The following DCC variants were observed in gnomAD, a reference collection of about 807,000 sequenced individuals.
DCC encodes DCC netrin 1 receptor.
In DCC, 58 loss-of-function variants were observed where a neutral mutation model predicts 172.5. The observed-to-expected ratio is 0.34, with a 90% CI of 0.27 to 0.42. The LOEUF (loss-of-function observed/expected upper bound fraction) is 0.42. Among genes scored for constraint, DCC ranks in the 10% least tolerant of loss-of-function variants. DCC has a pLI of 1.00. For missense variants in DCC, 1,740 were observed against 1,791.0 expected (o/e 0.97, Z 0.51); for synonymous variants, 709 against 644.5 (o/e 1.10, Z -1.52).
chr18:53,129,910 T>C (rs2043625682), intron 7 of DCC, among the ~76,000 whole-genome samples: 1 of 152,148 alleles, frequency 6.6e-6, no homozygotes, highest in African/African-American at 2.4e-5. Context: ...TATAAACATC[T>C]AAACCCTAGA....
At chr18:52,387,336 A>G (rs1985839979) in intron 1 of DCC, among the ~76,000 whole-genome samples, 1 of 152,112 alleles carries the variant, frequency 6.6e-6, no homozygotes, top group African/African-American at 2.4e-5. Context: ...GGGAAGGGAG[A>G]AGAAAAAAAT....
intron 1 of DCC, among the ~76,000 whole-genome samples, chr18:52,504,892 T>A (rs1405685861): frequency 6.6e-6 from 1 of 152,170 alleles, no homozygotes; most frequent in African/African-American, 2.4e-5. Context: ...AGACCATCAA[T>A]GTCTGTCTTG....
chr18:52,917,154 GA>G (rs1407398106), intron 3 of DCC, among the ~76,000 whole-genome samples: 3 of 138,686 alleles, frequency 2.2e-5, no homozygotes, highest in Admixed American at 7.1e-5. Context: ...AAAAAAACAA[GA>G]AAAAAATAAA....
At chr18:52,532,944 A>T (rs976660579) in intron 1 of DCC, among the ~76,000 whole-genome samples, 3 of 152,130 alleles carry the variant, frequency 2.0e-5, no homozygotes, top group African/African-American at 7.2e-5. Context: ...AGTCAGACTC[A>T]TTCCCACCAC....
chr18:52,772,957 GTTGT>G (rs1052710993), intron 2 of DCC, among the ~76,000 whole-genome samples: 1 of 152,160 alleles, frequency 6.6e-6, no homozygotes, highest in African/African-American at 2.4e-5. Context: ...AAATTGTTTG[GTTGT>G]TTGGCATTCA....
intron 2 of DCC, among the ~76,000 whole-genome samples, chr18:52,783,753 AC>A (rs2037600468): frequency 6.6e-6 from 1 of 151,978 alleles, no homozygotes; most frequent in Non-Finnish European, 1.5e-5. Context: ...ACTTGTAAAT[AC>A]AAGTAGGTAC....
intron 15 of DCC, among the ~76,000 whole-genome samples, chr18:53,354,370 G>C (rs1279304604): frequency 6.6e-6 from 1 of 152,170 alleles, no homozygotes; most frequent in East Asian, 1.9e-4. Flanking sequence ...CTCATTTACA[G>C]TCCCACCAAC....
intron 2 of DCC, among the ~76,000 whole-genome samples, chr18:52,825,996 C>T (rs2038502467): frequency 6.6e-6 from 1 of 152,196 alleles, no homozygotes; most frequent in African/African-American, 2.4e-5. Context: ...TTTCAAATAA[C>T]TCTTTCTCCC....
At chr18:52,836,189 C>T (rs1350680088) in intron 2 of DCC, among the ~76,000 whole-genome samples, 1 of 152,118 alleles carries the variant, frequency 6.6e-6, no homozygotes, top group African/African-American at 2.4e-5. Context: ...TCCACCTGGT[C>T]CCTTTCATGA....
chr18:53,256,820 A>G (rs1304976588), intron 12 of DCC, among the ~76,000 whole-genome samples: 1 of 152,068 alleles, frequency 6.6e-6, no homozygotes, highest in South Asian at 2.1e-4. Flanking sequence ...CCATTTTTAC[A>G]ATATTGATTC....
chr18:53,322,195 T>C (rs2057419534), intron 14 of DCC, 38 bp downstream of exon 14: 1 of 1,075,310 alleles, frequency 9.3e-7, no homozygotes, highest in Non-Finnish European at 1.5e-6. Flanking sequence ...TCTGATTATC[T>C]TCTTGTTATC....
At chr18:53,313,585 CT>C (rs2057309296) in intron 13 of DCC, among the ~76,000 whole-genome samples, 1 of 152,150 alleles carries the variant, frequency 6.6e-6, no homozygotes, top group Admixed American at 6.6e-5. Flanking sequence ...CTTCTTGAGA[CT>C]GAATTTTGGA....
In DCC at chr18:53,066,124, G is replaced by C. The variant is rs142822433; in HGVS notation, c.1219G>C (p.Gly407Arg). Residue 407 changes from glycine (G) to arginine (R), a missense_variant, in exon 7 of 29, where the codon GGA becomes CGA. This residue lies in a region of DCC where 1,732 missense variants were observed against 1,767.4 expected (regional missense o/e 0.98). Coordinates refer to ENST00000442544, the MANE Select transcript of DCC (RefSeq NM_005215.4). ...TCAATGTGTGGCTGAAAATGAGGCT[G>C]GAAATGCCCAGACCAGTGCACAGCT... ...FYQCVAENEA[G>R]NAQTSAQLIV... 3 of 1,613,244 alleles carry C rather than the reference G, an allele frequency of 1.9e-6. No homozygotes were observed. The highest frequency in any genetic ancestry group is 2.5e-6 in the Non-Finnish European group (3 of 1,179,528).
At chr18:53,185,472 A>C (rs2055266085) in intron 9 of DCC, among the ~76,000 whole-genome samples, 1 of 152,226 alleles carries the variant, frequency 6.6e-6, no homozygotes, top group Admixed American at 6.5e-5. Context: ...TATTGAAATA[A>C]AATAAAATTT....
At chr18:52,536,494 A>T (rs1026178388) in intron 1 of DCC, among the ~76,000 whole-genome samples, 3 of 152,166 alleles carry the variant, frequency 2.0e-5, no homozygotes, top group Non-Finnish European at 4.4e-5. Context: ...AGCAAGACAC[A>T]GTTTTATCAG....
chr18:53,193,691 C>T (rs994756737), intron 9 of DCC, among the ~76,000 whole-genome samples: 9 of 152,042 alleles, frequency 5.9e-5, no homozygotes, highest in African/African-American at 1.9e-4. Context: ...CTCTGACTTC[C>T]GTGAAACCTA....
intron 1 of DCC, among the ~76,000 whole-genome samples, chr18:52,487,355 T>G (rs957447284): frequency 1.3e-5 from 2 of 152,160 alleles, no homozygotes; most frequent in African/African-American, 4.8e-5. Context: ...CTGGTCTTTG[T>G]TCTATCATTG....
chr18:52,792,759 TATTCCATTCTATTCCATTCC>T (rs1568106981), intron 2 of DCC, among the ~76,000 whole-genome samples: 37 of 27,978 alleles, frequency 1.3e-3, no homozygotes, highest in Admixed American at 1.9e-3. Flanking sequence ...CAGTTGATTC[TATTCCATTCTATTCCATTCC>T]ATTCCATTCC....
chr18:53,023,154 C>G (rs2041904995), intron 5 of DCC, among the ~76,000 whole-genome samples: 1 of 151,786 alleles, frequency 6.6e-6, no homozygotes, highest in African/African-American at 2.4e-5. Flanking sequence ...ATTAGTACTA[C>G]TTAACAGTAT....
Sources: allele counts gnomAD v4.1 joint callset (sites outside exome capture counted in the v4.1 genomes callset), GRCh38; gene constraint gnomAD v4.1.1; regional missense constraint gnomAD v4.1.1; transcripts MANE v1.5; gene names NCBI Gene and HGNC (gene_info 2026-07-23, HGNC 2026-07-21).